TFRC: variants seen among roughly 807,000 people sequenced by gnomAD.
TFRC encodes the protein transferrin receptor protein 1.
A neutral mutation model predicts 85.8 loss-of-function variants in TFRC; 35 were observed. That is an observed-to-expected ratio of 0.41 (90% CI 0.31 to 0.54). The LOEUF (loss-of-function observed/expected upper bound fraction) is 0.54. Among genes scored for constraint, TFRC ranks in the 20% least tolerant of loss-of-function variants. The pLI, the probability that TFRC is intolerant of heterozygous loss-of-function variation, is 0.31. For synonymous variants in TFRC, 362 were observed against 328.6 expected (o/e 1.10, Z -1.10); for missense variants, 828 against 921.5 (o/e 0.90, Z 1.31).
chr3:196,064,099 C>T (rs1340477253), intron 11 of TFRC, among the ~76,000 whole-genome samples: 2 of 152,152 alleles, frequency 1.3e-5, no homozygotes, highest in African/African-American at 2.4e-5. Flanking sequence ...CTCAAAGAAA[C>T]TGGTGATTTC....
Position 196,054,993 on chromosome 3 carries a change from C to T in TFRC, c.1899+87G>A. 6 of 1,303,250 alleles carry T rather than the reference C, an allele frequency of 4.6e-6. No individual in the cohort carries two copies. The East Asian group carries it at 6.9e-5, about 15-fold the overall frequency. The allele number at this position is 1,303,250 out of a possible 1,614,324, so 80.7% of individuals were successfully genotyped here. A position where few individuals can be genotyped will look rare whatever the true frequency, so the allele number is the denominator to read the frequency against. On this transcript the variant is annotated intron_variant, in intron 17 of 18. Coordinates refer to ENST00000360110, the MANE Select transcript of TFRC (RefSeq NM_001128148.3). The stretch of plus-strand genomic sequence containing the variant: ...AAAATGTACTATGGCTACAATCACC[C>T]TTCCAACAGGAACACACAGGAACAC...
rs536274879 is a variant in TFRC, at chr3:196,064,364, T to C, written c.1263A>G (p.Val421=). The change falls in exon 11 of 19, where the codon GTA becomes GTG. Residue 421 remains valine, a synonymous_variant. Transcript: ENST00000360110. Reference sequence around the variant, plus strand: ...CAAGTTTCAATAGGAGAGCTGTGCCTACACCGGATTTTGCAGCTCCAGGGC... The same window carrying C: ...CAAGTTTCAATAGGAGAGCTGTGCCCACACCGGATTTTGCAGCTCCAGGGC... ...AWGPGAAKSG[V]GTALLLKLAQ... 2 of 1,613,920 alleles carry C rather than the reference T, an allele frequency of 1.2e-6. No individual in the cohort carries two copies. The highest frequency in any genetic ancestry group is 2.7e-5 in the African/African-American group (2 of 75,020).
At position 196,049,792 on chromosome 3, in the gene TFRC, T is replaced by C. The variant is rs1408990099; in HGVS notation, c.*2150A>G. The C allele has an allele frequency of 1.3e-5, 3 of 229,918 alleles. No homozygotes were observed. The highest frequency in any genetic ancestry group is 1.1e-4 in the Admixed American group (2 of 17,676). The allele number at this position is 229,918 out of a possible 1,614,324, so 14.2% of individuals were successfully genotyped here. On this transcript the variant is annotated 3_prime_UTR_variant, in exon 19 of 19. Transcript: ENST00000360110. ...AGCTACGCTAAATGTCAGTCCAAGA[T>C]AAAAGAGGAGATTAAAGATAAAACT...
chr3:196,059,870 T>C lies in TFRC; in HGVS notation c.1536+310A>G, dbSNP rs562364333. Among the ~76,000 whole-genome samples, 22 of 151,290 alleles carry C rather than the reference T, an allele frequency of 1.5e-4. 1 individual carries two copies. The South Asian group carries it at 4.2e-3, about 29-fold the overall frequency. ...TATTTCCTCCGGCCTTCTCAAAGTA[T>C]AGTTCAAGTTGATTTAAGCCTTCCT... On this transcript the variant is annotated intron_variant, in intron 14 of 18. Coordinates refer to ENST00000360110, the MANE Select transcript of TFRC (RefSeq NM_001128148.3).
intron 17 of TFRC, 38 bp downstream of exon 17, chr3:196,055,042 T>C (rs372522393): frequency 2.5e-6 from 4 of 1,586,986 alleles, no homozygotes; most frequent in Non-Finnish European, 8.6e-7. Context: ...ATACTTGACA[T>C]TCAGCAAAAT....
At position 196,061,787 on chromosome 3, in the gene TFRC, C is replaced by A. The variant is rs41297469; in HGVS notation, c.1468+795G>T. Among the ~76,000 whole-genome samples, 3 of 152,206 alleles carry A rather than the reference C, an allele frequency of 2.0e-5. No individual in the cohort carries two copies. The East Asian group carries it at 5.8e-4, about 29-fold the overall frequency. ...TACAGGCGTGCACCACTGCGCCCAG[C>A]CCAAAAAGCCCAGTTTTTAGACCAA... On this transcript the variant is annotated intron_variant, in intron 13 of 18. Transcript: ENST00000360110.
rs2108630075 is a variant in TFRC, at chr3:196,050,163, G to A, written c.*1779C>T. ...AAACTTGTCCGCACTAAGTTTATAG[G>A]AGGTAACATGCAAATAATGTGATAA... is the stretch of plus-strand genomic sequence containing the variant. On this transcript the variant is annotated 3_prime_UTR_variant, in exon 19 of 19. Coordinates refer to ENST00000360110, the MANE Select transcript of TFRC (RefSeq NM_001128148.3). The A allele has an allele frequency of 4.4e-6, 1 of 229,324 alleles. No homozygotes were observed. The highest frequency in any genetic ancestry group is 1.3e-3 in the Middle Eastern group (1 of 758). The allele number at this position is 229,324 out of a possible 1,614,324, so 14.2% of individuals were successfully genotyped here.
At chr3:196,061,370 C>T (rs997006037) in intron 13 of TFRC, among the ~76,000 whole-genome samples, 4 of 152,108 alleles carry the variant, frequency 2.6e-5, no homozygotes, top group Non-Finnish European at 4.4e-5. Flanking sequence ...ATCAGAATTA[C>T]CTGTAGTGCT....
intron 16 of TFRC, 30 bp downstream of exon 16, chr3:196,058,254 T>C: frequency 6.3e-7 from 1 of 1,583,020 alleles, no homozygotes; most frequent in African/African-American, 1.3e-5. Flanking sequence ...AGAGCCTCTC[T>C]CCATTTGTCA....
At chr3:196,074,777 G>T (rs956240018) in intron 3 of TFRC, among the ~76,000 whole-genome samples, 1 of 151,646 alleles carries the variant, frequency 6.6e-6, no homozygotes, top group Non-Finnish European at 1.5e-5. Context: ...TCCTCAGGAG[G>T]CTGAGGCAGA....
At chr3:196,055,347 C>T in intron 16 of TFRC, 46 bp from the exon 17 acceptor site, 1 of 1,516,122 alleles carries the variant, frequency 6.6e-7, no homozygotes, top group Non-Finnish European at 9.2e-7. Flanking sequence ...GTTCTAAGAG[C>T]AAGAGCCTCA....
chr3:196,075,074 C>CAAAAA, intron 3 of TFRC, 85 bp downstream of exon 3: 1 of 734,068 alleles, frequency 1.4e-6, no homozygotes, highest in Non-Finnish European at 2.1e-6. Context: ...AAATAAGGTA[C>CAAAAA]AAAATAACTA....
At chr3:196,052,267 C>T (rs947167513) in intron 18 of TFRC, 83 bp from the exon 19 acceptor site, 8 of 1,338,848 alleles carry the variant, frequency 6.0e-6, no homozygotes, top group African/African-American at 1.5e-5. Context: ...TGTAAAATGT[C>T]CCAAATTTAA....
At chr3:196,055,665 G>A (rs1716719025) in intron 16 of TFRC, 1 of 305,388 alleles carries the variant, frequency 3.3e-6, no homozygotes, top group Non-Finnish European at 6.3e-6. Flanking sequence ...CATACCTTGA[G>A]ACGAGGTCTC....
intron 1 of TFRC, among the ~76,000 whole-genome samples, chr3:196,080,504 G>T (rs946412647): frequency 7.2e-5 from 11 of 152,374 alleles, no homozygotes; most frequent in Admixed American, 2.0e-4. Context: ...CTCCCAAAGT[G>T]CTGGGATTAC....
chr3:196,075,116 G>T, intron 3 of TFRC, 43 bp downstream of exon 3: 1 of 1,500,724 alleles, frequency 6.7e-7, no homozygotes, highest in Non-Finnish European at 9.3e-7. Flanking sequence ...ACTTCCCAGA[G>T]TTGGTTATAG....
rs756430422 is a variant in TFRC, at chr3:196,058,382, T to C, written c.1596-17A>G. The stretch of plus-strand genomic sequence containing the variant: ...AGTTTCTCACTGCAAAGACAAAGAA[T>C]GTGTCTTTAGAAAGTGTTTTAAAGA... On this transcript the variant is annotated splice_polypyrimidine_tract_variant and intron_variant, in intron 15 of 18. Coordinates refer to ENST00000360110, the MANE Select transcript of TFRC (RefSeq NM_001128148.3). 2 of 1,609,460 alleles carry C rather than the reference T, an allele frequency of 1.2e-6. No individual in the cohort carries two copies. Among genetic ancestry groups the C allele is most frequent in the Non-Finnish European group, 1.7e-6 (2 of 1,176,554 alleles).
At chr3:196,065,931 G>C (rs1211228420) in intron 9 of TFRC, among the ~76,000 whole-genome samples, 2 of 151,774 alleles carry the variant, frequency 1.3e-5, no homozygotes, top group Admixed American at 6.6e-5. Context: ...GGAGGCTGCA[G>C]TGAGCCGAGA....
intron 1 of TFRC, among the ~76,000 whole-genome samples, chr3:196,078,760 A>C (rs923559205): frequency 1.3e-5 from 2 of 152,010 alleles, no homozygotes; most frequent in Non-Finnish European, 2.9e-5. Context: ...AATAGACCAT[A>C]TTCTTAGAAG....
Sources: allele counts gnomAD v4.1 joint callset (sites outside exome capture counted in the v4.1 genomes callset), GRCh38; gene constraint gnomAD v4.1.1; transcripts MANE v1.5; gene names NCBI Gene and HGNC (gene_info 2026-07-23, HGNC 2026-07-21).